Variants in NAA25 observed in about 807,000 individuals in gnomAD.
NAA25 encodes N-alpha-acetyltransferase 25, NatB auxiliary subunit, also known as N-terminal acetyltransferase B complex subunit NAA25.
In NAA25, 30 loss-of-function variants were observed where a neutral mutation model predicts 132.5. The ratio of observed to expected loss-of-function variants is 0.23; its 90% CI spans 0.17 to 0.31. The LOEUF is 0.31. Ranked by LOEUF, NAA25 falls within the 10% of genes least tolerant of loss-of-function variation. The probability of loss-of-function intolerance (pLI) is 1.00; values close to 1 mark genes in which losing one functional copy is unlikely to be tolerated. For synonymous variants in NAA25, 359 were observed against 401.9 expected, an observed-to-expected ratio of 0.89 and a Z score of 1.28; for missense variants, 771 against 1,150.4, an observed-to-expected ratio of 0.67 and a Z score of 4.77.
intron 11 of NAA25, among the ~76,000 whole-genome samples, chr12:112,064,656 C>G (rs1472902103): frequency 6.6e-6 from 1 of 152,172 alleles, no homozygotes; most frequent in Non-Finnish European, 1.5e-5. Flanking sequence ...GAAACATCTT[C>G]CTGACAAGGT....
rs144968246 is a variant in NAA25, at chr12:112,063,059, C to T, written c.1150-1671G>A. ...TGGGTGACACAGCCAGACCCTGTCT[C>T]AAAAAAAAAGAAGAAAAGAATAATA... On this transcript the variant is annotated intron_variant, in intron 11 of 23. Transcript: ENST00000261745. Among the ~76,000 whole-genome samples, 228 of 148,054 alleles carry T rather than the reference C, an allele frequency of 1.5e-3. 5 individuals are homozygous for T. In the South Asian group the frequency reaches 0.033, roughly 22 times the overall value.
chr12:112,061,314 G>A lies in NAA25; in HGVS notation c.1224C>T (p.Ile408=). 1 of 1,614,146 alleles carries A rather than the reference G, an allele frequency of 6.2e-7. No homozygotes were observed. Among genetic ancestry groups the A allele is most frequent in the Non-Finnish European group, 8.5e-7 (1 of 1,180,024 alleles). Residue 408 remains isoleucine (I), a synonymous_variant, in exon 12 of 24, where the codon ATC becomes ATT. Coordinates refer to ENST00000261745, the MANE Select transcript of NAA25 (RefSeq NM_024953.4). ...TEDKLALPAD[I]RALQQHLCVV... ...CACACAAATGTTGCTGCAGAGCTCT[G>A]ATGTCAGCAGGCAGTGCCAGCTTAT...
In NAA25 at chr12:112,028,047, G is replaced by C. The variant is rs1382303869; in HGVS notation, c.*1484C>G. ...AAGTTTAAGCACTGTATCAAATTAT[G>C]AATCTAAGAAAGTCAAAATGAAGGG... On this transcript the variant is annotated 3_prime_UTR_variant, in exon 24 of 24. Transcript: ENST00000261745. 6.6e-6 allele frequency: 1 copy of C among 152,180 alleles called. No individual in the cohort carries two copies. Among genetic ancestry groups the C allele is most frequent in the African/African-American group, 2.4e-5 (1 of 41,448 alleles). The allele number at this position is 152,180 out of a possible 1,614,324, so 9.4% of individuals were successfully genotyped here. A position where few individuals can be genotyped will look rare whatever the true frequency, so the allele number is the denominator to read the frequency against.
chr12:112,080,994 A>G, intron 5 of NAA25, 66 bp downstream of exon 5: 8 of 1,343,102 alleles, frequency 6.0e-6, no homozygotes, highest in Admixed American at 5.2e-5. Flanking sequence ...CAGAAGACAC[A>G]CTGAGGACAA....
chr12:112,057,200 T>C (rs1037215186), intron 13 of NAA25, among the ~76,000 whole-genome samples: 2 of 151,724 alleles, frequency 1.3e-5, no homozygotes, highest in African/African-American at 2.4e-5. Context: ...AAAAGTAAAA[T>C]AAGATAAAAT....
chr12:112,061,022 TA>T (rs2136859665), intron 12 of NAA25, among the ~76,000 whole-genome samples, 158 bp downstream of exon 12: 1 of 152,332 alleles, frequency 6.6e-6, no homozygotes, highest in Non-Finnish European at 1.5e-5. Flanking sequence ...ACTCCAGGCT[TA>T]AGAAAGGCTT....
At chr12:112,098,869 G>A (rs2136942277) in intron 1 of NAA25, among the ~76,000 whole-genome samples, 1 of 152,210 alleles carries the variant, frequency 6.6e-6, no homozygotes, top group East Asian at 1.9e-4. Flanking sequence ...CTGGGATTGT[G>A]CTAAGATTAC....
chr12:112,067,239 G>A (rs2078732266), intron 11 of NAA25, among the ~76,000 whole-genome samples: 1 of 151,980 alleles, frequency 6.6e-6, no homozygotes, highest in Non-Finnish European at 1.5e-5. Flanking sequence ...GACATTAAAA[G>A]GAGAGCCCAC....
intron 17 of NAA25, among the ~76,000 whole-genome samples, chr12:112,046,911 T>G (rs186501170): frequency 5.4e-4 from 82 of 152,344 alleles, no homozygotes; most frequent in African/African-American, 1.9e-3. Flanking sequence ...TTTACAGAAG[T>G]TAAATCCTTT....
At chr12:112,092,678 C>T (rs2079151942) in intron 2 of NAA25, among the ~76,000 whole-genome samples, 1 of 149,402 alleles carries the variant, frequency 6.7e-6, no homozygotes, top group South Asian at 2.1e-4. Context: ...CCTTTCTCCC[C>T]CCCCTTTTTT....
chr12:112,098,949 A>G (rs2079253719), intron 1 of NAA25, among the ~76,000 whole-genome samples: 1 of 151,676 alleles, frequency 6.6e-6, no homozygotes, highest in Admixed American at 6.6e-5. Context: ...AGAAAGTGTC[A>G]GTTTGGTGCT....
intron 4 of NAA25, among the ~76,000 whole-genome samples, chr12:112,083,998 T>C (rs1274102156): frequency 6.6e-6 from 1 of 152,196 alleles, no homozygotes; most frequent in Non-Finnish European, 1.5e-5. Context: ...TGAATTAATA[T>C]AAAATGCAAG....
At chr12:112,088,069 C>A (rs1289025454) in intron 3 of NAA25, among the ~76,000 whole-genome samples, 3 of 152,158 alleles carry the variant, frequency 2.0e-5, no homozygotes, top group Non-Finnish European at 4.4e-5. Context: ...TATCATGTAG[C>A]CACAAACTAT....
rs2078844910 is a variant in NAA25, at chr12:112,073,435, C to A, written c.866+1240G>T. Among the ~76,000 whole-genome samples the A allele has an allele frequency of 3.3e-5, 5 of 152,086 alleles. No individual in the cohort carries two copies. The South Asian group carries it at 1.0e-3, about 32-fold the overall frequency. On this transcript the variant is annotated intron_variant, in intron 9 of 23. Transcript: ENST00000261745. ...TTCTGTATTAATTTTTTAAAAGATC[C>A]CATTTATTCACTTTTTTTTGAGAGG...
Position 112,043,138 on chromosome 12 carries a change from C to T in NAA25, c.2324G>A (p.Ser775Asn), listed in dbSNP as rs1039655752. 4 of 1,613,296 alleles carry T rather than the reference C, an allele frequency of 2.5e-6. No individual in the cohort carries two copies. The highest frequency in any genetic ancestry group is 3.4e-6 in the Non-Finnish European group (4 of 1,179,506). Residue 775 changes from serine (S) to asparagine (N), a missense_variant, in exon 19 of 24, where the codon AGC (serine) becomes AAC (asparagine). This residue lies in a region of NAA25 where 324 missense variants were observed against 400.0 expected (regional missense o/e 0.81). Coordinates refer to ENST00000261745, the MANE Select transcript of NAA25 (RefSeq NM_024953.4). ...AATATCATTGACAAGATAAAAAGAGCTTATCTGGCACTGAGAACAGCCAGA... is the reference window on the plus strand; with the variant it reads ...AATATCATTGACAAGATAAAAAGAGTTTATCTGGCACTGAGAACAGCCAGA... Reference protein sequence around the residue: ...FNSGCSQCQISSFYLVNDIYE... With the variant: ...FNSGCSQCQINSFYLVNDIYE...
At chr12:112,080,910 G>A (rs2078964910) in intron 5 of NAA25, 150 bp downstream of exon 5, 2 of 746,558 alleles carry the variant, frequency 2.7e-6, no homozygotes, top group Non-Finnish European at 4.8e-6. Context: ...CAAGGCAGCA[G>A]TGAGCTATGA....
At chr12:112,078,834 C>A in intron 5 of NAA25, 93 bp from the exon 6 acceptor site, 2 of 993,614 alleles carry the variant, frequency 2.0e-6, no homozygotes, top group East Asian at 2.5e-5. Context: ...AATTATCAAT[C>A]CACCATGTCA....
chr12:112,028,243 C>T lies in NAA25; in HGVS notation c.*1288G>A, dbSNP rs1481082698. The T allele has an allele frequency of 2.0e-5, 3 of 152,350 alleles. No individual in the cohort carries two copies. Among genetic ancestry groups the T allele is most frequent in the African/African-American group, 7.2e-5 (3 of 41,454 alleles). 9.4% of individuals were successfully genotyped at this position (152,350 alleles called of 1,614,324 possible). A position where few individuals can be genotyped will look rare whatever the true frequency, so the allele number is the denominator to read the frequency against. ...TTTCCTCATCAAATTCATTTCTTTG[C>T]TCTTACAGAATTAAACTTGAACTAT... On this transcript the variant is annotated 3_prime_UTR_variant, in exon 24 of 24. Transcript: ENST00000261745.
chr12:112,100,736 C>T (rs2079282810), intron 1 of NAA25, among the ~76,000 whole-genome samples: 1 of 151,266 alleles, frequency 6.6e-6, no homozygotes, highest in Non-Finnish European at 1.5e-5. Flanking sequence ...TCTCCTACCT[C>T]AGCCTCCGGA....
Sources: allele counts gnomAD v4.1 joint callset (sites outside exome capture counted in the v4.1 genomes callset), GRCh38; gene constraint gnomAD v4.1.1; regional missense constraint gnomAD v4.1.1; transcripts MANE v1.5; gene names NCBI Gene and HGNC (gene_info 2026-07-23, HGNC 2026-07-21).